The following AGPAT4 variants were observed in gnomAD, a reference collection of about 807,000 sequenced individuals.
The protein encoded by AGPAT4 is 1-acylglycerol-3-phosphate O-acyltransferase 4.
Under a neutral mutation model 48.0 loss-of-function variants are expected in AGPAT4, and 15 were observed. The observed-to-expected ratio is 0.31, with a 90% CI of 0.21 to 0.48. AGPAT4 has a LOEUF of 0.48. Ranked by LOEUF, AGPAT4 falls within the 20% of genes least tolerant of loss-of-function variation. The pLI is 0.99. For synonymous variants in AGPAT4, 178 were observed against 198.7 expected, an observed-to-expected ratio of 0.90 and a Z score of 0.88; for missense variants, 314 against 482.5, an observed-to-expected ratio of 0.65 and a Z score of 3.27.
rs944809468 is a variant in AGPAT4 at position 161,133,841 on chromosome 6, G to A, written c.*2699C>T. ...AGACAGACAGGAAGTGTAGCTCTTAGTCTATGGGGCTCTCCTTAGGGGACA... is the reference window on the plus strand; with the variant it reads ...AGACAGACAGGAAGTGTAGCTCTTAATCTATGGGGCTCTCCTTAGGGGACA... On this transcript the variant is annotated 3_prime_UTR_variant, in exon 9 of 9. Coordinates refer to ENST00000320285, the MANE Select transcript of AGPAT4 (RefSeq NM_020133.3). The A allele has an allele frequency of 6.6e-6, 1 of 152,232 alleles. No homozygotes were observed. 9.4% of individuals were successfully genotyped at this position (152,232 alleles called of 1,614,324 possible).
intron 1 of AGPAT4, among the ~76,000 whole-genome samples, chr6:161,252,846 G>A (rs182987254): frequency 3.9e-5 from 6 of 151,992 alleles, no homozygotes; most frequent in East Asian, 3.9e-4. Context: ...AGAACAGAAC[G>A]ACTTAGGAGG....
At position 161,208,295 on chromosome 6, in the gene AGPAT4, C is replaced by T. The variant is rs995111436; in HGVS notation, c.178+23741G>A. On this transcript the variant is annotated intron_variant, in intron 2 of 8. Coordinates refer to ENST00000320285, the MANE Select transcript of AGPAT4 (RefSeq NM_020133.3). This position sits in a 1 kb window ranked among gnomAD's most constrained non-coding sequence, Gnocchi z 4.6. ...TTCAGAGACTCTCTCCAGATGCGCC[C>T]TCTGTGGAACTTCCCTAACAATGTG... Among the ~76,000 whole-genome samples the T allele has an allele frequency of 4.6e-5, 7 of 152,180 alleles. No individual in the cohort carries two copies. The highest frequency in any genetic ancestry group is 1.7e-4 in the African/African-American group (7 of 41,444).
At chr6:161,182,727 T>C (rs1416477895) in intron 2 of AGPAT4, among the ~76,000 whole-genome samples, 2 of 152,334 alleles carry the variant, frequency 1.3e-5, no homozygotes, top group African/African-American at 4.8e-5. Context: ...AGCCAGCGGC[T>C]GGTACAATAA....
In AGPAT4 at chr6:161,179,747, T is replaced by A. The variant is rs576313818; in HGVS notation, c.179-13330A>T. The stretch of plus-strand genomic sequence containing the variant: ...ATGATGATCCACTTCCACTTATGAA[T>A]AGTACATACATTTTCTCTTTTTGAT... On this transcript the variant is annotated intron_variant, in intron 2 of 8. Transcript: ENST00000320285. Among the ~76,000 whole-genome samples, 4 of 152,300 alleles carry A rather than the reference T, an allele frequency of 2.6e-5. No homozygotes were observed. In the South Asian group the frequency reaches 8.3e-4, roughly 32 times the overall value.
At position 161,219,916 on chromosome 6, in the gene AGPAT4, C is replaced by CAGGCGGCAGGCA. The variant is rs770490075; in HGVS notation, c.178+12119_178+12120insTGCCTGCCGCCT. ...GCAGGCAGGCAGGCAGGCAGGCAGGCGGCAGGCAGGCAGGCAGGCAGGCAG... is the reference window on the plus strand; with the variant it reads ...GCAGGCAGGCAGGCAGGCAGGCAGGCAGGCGGCAGGCAGGCAGGCAGGCAGGCAGGCAGGCAG... On this transcript the variant is annotated intron_variant, in intron 2 of 8. Transcript: ENST00000320285. This position sits in a 1 kb window ranked among gnomAD's most constrained non-coding sequence, Gnocchi z 4.9. Among the ~76,000 whole-genome samples the CAGGCGGCAGGCA allele has an allele frequency of 6.3e-3, 668 of 105,948 alleles. 17 individuals carry two copies. The highest frequency in any genetic ancestry group is 0.034 in the Admixed American group (370 of 10,760). 69.5% of individuals were successfully genotyped at this position (105,948 alleles called of 152,430 possible). A position where few individuals can be genotyped will look rare whatever the true frequency, so the allele number is the denominator to read the frequency against.
intron 2 of AGPAT4, among the ~76,000 whole-genome samples, chr6:161,173,120 T>C (rs1212896513): frequency 1.3e-5 from 2 of 152,216 alleles, no homozygotes; most frequent in East Asian, 3.8e-4. Context: ...ACATGTGTCT[T>C]TATAGCAGCA....
At chr6:161,247,356 C>T (rs1782681861) in intron 1 of AGPAT4, among the ~76,000 whole-genome samples, 1 of 152,178 alleles carries the variant, frequency 6.6e-6, no homozygotes, top group African/African-American at 2.4e-5. Flanking sequence ...TTCTAAAATG[C>T]AGACATTTTA....
rs1409712147 is a variant in AGPAT4 at position 161,148,799 on chromosome 6, C to G, written c.767+388G>C. Among the ~76,000 whole-genome samples, 1 of 152,202 alleles carries G rather than the reference C, an allele frequency of 6.6e-6. No individual in the cohort carries two copies. The highest frequency in any genetic ancestry group is 6.5e-5 in the Admixed American group (1 of 15,286). On this transcript the variant is annotated intron_variant, in intron 6 of 8. Coordinates refer to ENST00000320285, the MANE Select transcript of AGPAT4 (RefSeq NM_020133.3). This position sits in a 1 kb window ranked among gnomAD's most constrained non-coding sequence, Gnocchi z 5.5. ...AACATAACACATAAGTGAGACACTG[C>G]AAGAGTTCTGCATTTGTGTCTAGAC...
Position 161,273,941 on chromosome 6 carries a change from C to T in AGPAT4, c.-93G>A, listed in dbSNP as rs1043582544. The T allele has an allele frequency of 6.6e-6, 1 of 152,174 alleles. No individual in the cohort carries two copies. The highest frequency in any genetic ancestry group is 1.5e-5 in the Non-Finnish European group (1 of 68,094). 9.4% of individuals were successfully genotyped at this position (152,174 alleles called of 1,614,324 possible). On this transcript the variant is annotated 5_prime_UTR_variant, in exon 1 of 9. Coordinates refer to ENST00000320285, the MANE Select transcript of AGPAT4 (RefSeq NM_020133.3). ...GAACGGCACCAGGACCACATACCTC[C>T]TTCCTGGCAGCCTTTGGCACATGGA...
intron 2 of AGPAT4, among the ~76,000 whole-genome samples, chr6:161,183,399 C>G (rs1381224014): frequency 5.9e-5 from 9 of 151,820 alleles, no homozygotes; most frequent in African/African-American, 1.9e-4. Flanking sequence ...GTGGGCGGAG[C>G]ACTTAAGGCC....
In AGPAT4 at chr6:161,236,812, G is replaced by A. The variant is rs911421178; in HGVS notation, c.-89-4510C>T. Among the ~76,000 whole-genome samples, 1 of 152,044 alleles carries A rather than the reference G, an allele frequency of 6.6e-6. No individual in the cohort carries two copies. On this transcript the variant is annotated intron_variant, in intron 1 of 8. Transcript: ENST00000320285. The surrounding 1 kb of genome is among the most constrained non-coding windows in gnomAD (Gnocchi z 5.0). ...AGCTACTCGGGAGGCTGAGGCAGGC[G>A]AATCACTTAAACCTGGGAGGCAGAG...
At chr6:161,176,077 T>C (rs1424001893) in intron 2 of AGPAT4, among the ~76,000 whole-genome samples, 2 of 152,240 alleles carry the variant, frequency 1.3e-5, no homozygotes, top group Non-Finnish European at 2.9e-5. Context: ...AGTTTTGGAA[T>C]AAGTGCAATG....
At chr6:161,160,073 G>T (rs1412882247) in intron 3 of AGPAT4, 1 of 151,354 alleles carries the variant, frequency 6.6e-6, no homozygotes, top group Non-Finnish European at 1.5e-5. Context: ...GAGTAGCTGG[G>T]ATTACAGACA....
chr6:161,247,981 C>CA (rs143168079), intron 1 of AGPAT4, among the ~76,000 whole-genome samples: 5,636 of 28,216 alleles, frequency 0.2, 1,391 homozygotes, highest in Admixed American at 0.29. Flanking sequence ...GACTCTGTCT[C>CA]AAAAAAAAAA....
chr6:161,195,807 T>C lies in AGPAT4; in HGVS notation c.179-29390A>G, dbSNP rs1455059972. ...TCGGGGCTCGTCACACAGGCATGGC[T>C]CTACACTGCTCTCTGGGGCAGGTGT... On this transcript the variant is annotated intron_variant, in intron 2 of 8. Coordinates refer to ENST00000320285, the MANE Select transcript of AGPAT4 (RefSeq NM_020133.3). This position sits in a 1 kb window ranked among gnomAD's most constrained non-coding sequence, Gnocchi z 5.0. 6.6e-6 allele frequency among the ~76,000 whole-genome samples: 1 copy of C among 152,224 alleles called. No homozygotes were observed. The highest frequency in any genetic ancestry group is 2.4e-5 in the African/African-American group (1 of 41,462).
Position 161,238,804 on chromosome 6 carries a change from C to T in AGPAT4, c.-89-6502G>A, listed in dbSNP as rs1238026128. ...TTGTGATCGTGAGTTCTCATAAGAT[C>T]TGATGGTTTCATAAGGGGCTTTTCA... On this transcript the variant is annotated intron_variant, in intron 1 of 8. Transcript: ENST00000320285. This position sits in a 1 kb window ranked among gnomAD's most constrained non-coding sequence, Gnocchi z 5.2. Among the ~76,000 whole-genome samples, 2 of 152,094 alleles carry T rather than the reference C, an allele frequency of 1.3e-5. No homozygotes were observed. Among genetic ancestry groups the T allele is most frequent in the East Asian group, 3.9e-4 (2 of 5,176 alleles).
chr6:161,239,467 C>A (rs74382668), intron 1 of AGPAT4, among the ~76,000 whole-genome samples: 2,874 of 152,282 alleles, frequency 0.019, 103 homozygotes, highest in African/African-American at 0.066. Flanking sequence ...CCGCCACTAG[C>A]TGGATTTAAA....
In AGPAT4 at chr6:161,214,113, T is replaced by C. The variant is rs1038601801; in HGVS notation, c.178+17923A>G. Among the ~76,000 whole-genome samples, 1 of 152,232 alleles carries C rather than the reference T, an allele frequency of 6.6e-6. No homozygotes were observed. Among genetic ancestry groups the C allele is most frequent in the African/African-American group, 2.4e-5 (1 of 41,460 alleles). On this transcript the variant is annotated intron_variant, in intron 2 of 8. Coordinates refer to ENST00000320285, the MANE Select transcript of AGPAT4 (RefSeq NM_020133.3). This position sits in a 1 kb window ranked among gnomAD's most constrained non-coding sequence, Gnocchi z 5.4. Reference sequence around the variant, plus strand: ...GAGGCTCATCAGAAACTCAAAAGAATGCTACCATTTGTCTCTCACCTACCT... The same window carrying C: ...GAGGCTCATCAGAAACTCAAAAGAACGCTACCATTTGTCTCTCACCTACCT...
At chr6:161,228,594 T>A (rs1419198969) in intron 2 of AGPAT4, among the ~76,000 whole-genome samples, 3 of 120,064 alleles carry the variant, frequency 2.5e-5, no homozygotes, top group South Asian at 2.6e-4. Context: ...TTTTTTTTTT[T>A]AACCCTGACA....
Sources: allele counts gnomAD v4.1 joint callset (sites outside exome capture counted in the v4.1 genomes callset), GRCh38; gene constraint gnomAD v4.1.1; non-coding constraint Gnocchi (gnomAD v3.1); transcripts MANE v1.5; gene names NCBI Gene and HGNC (gene_info 2026-07-23, HGNC 2026-07-21).